The following HCRTR2 variants were observed in gnomAD, a reference collection of about 807,000 sequenced individuals.
HCRTR2 encodes orexin receptor type 2.
A neutral mutation model predicts 49.0 loss-of-function variants in HCRTR2; 22 were observed. The ratio of observed to expected loss-of-function variants is 0.45; its 90% confidence interval spans 0.32 to 0.64. The LOEUF is 0.64. Ranked by LOEUF, HCRTR2 falls within the 30% of genes least tolerant of loss-of-function variation. The pLI is 0.04. For missense variants in HCRTR2, 491 were observed against 559.4 expected (o/e 0.88, Z 1.23); for synonymous variants, 236 against 205.3 (o/e 1.15, Z -1.28).
rs144145510 is a variant in HCRTR2, at chr6:55,216,740, C to A, written c.224-31899C>A. Among the ~76,000 whole-genome samples the A allele has an allele frequency of 7.3e-3, 1,113 of 152,292 alleles. 11 individuals are homozygous for A. Among genetic ancestry groups the A allele is most frequent in the Non-Finnish European group, 7.9e-3 (539 of 68,034 alleles). On this transcript the variant is annotated intron_variant, in intron 1 of 6. Transcript: ENST00000370862. ...TGGAATTGCTCATTGGTGCCTGCAG[C>A]TTTCCCAGGTGGGCACTGCACACTG...
chr6:55,177,299 C>A (rs1765058116), intron 1 of HCRTR2, among the ~76,000 whole-genome samples: 1 of 152,178 alleles, frequency 6.6e-6, no homozygotes, highest in Admixed American at 6.5e-5. Context: ...AACTGAAATG[C>A]ATTCTTTTCT....
chr6:55,275,703 TG>T (rs1488849777), intron 4 of HCRTR2, among the ~76,000 whole-genome samples: 1 of 151,346 alleles, frequency 6.6e-6, no homozygotes, highest in African/African-American at 2.4e-5. Context: ...ATCCACCTCC[TG>T]GGTTCAAGCG....
intron 1 of HCRTR2, among the ~76,000 whole-genome samples, chr6:55,193,808 G>T (rs1765362826): frequency 6.6e-6 from 1 of 151,946 alleles, no homozygotes; most frequent in Admixed American, 6.6e-5. Flanking sequence ...TAAGAATATG[G>T]TAGTACAGTG....
chr6:55,200,684 TG>T (rs1471742072), intron 1 of HCRTR2, among the ~76,000 whole-genome samples: 1 of 152,154 alleles, frequency 6.6e-6, no homozygotes, highest in Non-Finnish European at 1.5e-5. Context: ...AACTAATTTT[TG>T]ATATTTGGTA....
Position 55,268,905 on chromosome 6 carries a change from A to G in HCRTR2, c.762+5083A>G, listed in dbSNP as rs553491208. On this transcript the variant is annotated intron_variant, in intron 4 of 6. Coordinates refer to ENST00000370862, the MANE Select transcript of HCRTR2 (RefSeq NM_001384272.1). ...GAAGATTGAGACCATCCTAGCTAAC[A>G]TGGTGAAACCTCGTCTCTACTAAAG... Among the ~76,000 whole-genome samples the G allele has an allele frequency of 8.5e-5, 13 of 152,066 alleles. No homozygotes were observed. In the East Asian group the frequency reaches 2.3e-3, roughly 27 times the overall value.
intron 1 of HCRTR2, among the ~76,000 whole-genome samples, chr6:55,130,215 C>T (rs1411733225): frequency 6.6e-6 from 1 of 151,898 alleles, no homozygotes; most frequent in Non-Finnish European, 1.5e-5. Flanking sequence ...TATCTAGCTT[C>T]CTACCTGATC....
intron 1 of HCRTR2, among the ~76,000 whole-genome samples, chr6:55,241,206 A>AGT (rs1230344680): frequency 2.8e-5 from 4 of 143,578 alleles, no homozygotes; most frequent in African/African-American, 1.0e-4. Context: ...CCCACCTATG[A>AGT]GTGAGAATAT....
At chr6:55,206,999 G>A (rs2127288884) in intron 1 of HCRTR2, among the ~76,000 whole-genome samples, 1 of 152,062 alleles carries the variant, frequency 6.6e-6, no homozygotes, top group South Asian at 2.1e-4. Flanking sequence ...TTTAAAATAT[G>A]CCTAATTTTC....
At chr6:55,154,005 C>G (rs1057055522) in intron 1 of HCRTR2, among the ~76,000 whole-genome samples, 3 of 151,520 alleles carry the variant, frequency 2.0e-5, no homozygotes, top group Non-Finnish European at 4.4e-5. Flanking sequence ...CAACTATACA[C>G]CAATAAATTG....
intron 4 of HCRTR2, among the ~76,000 whole-genome samples, chr6:55,269,087 C>CAAA (rs1158724252): frequency 5.4e-5 from 3 of 55,728 alleles, no homozygotes; most frequent in South Asian, 6.7e-4. Context: ...GACTCCGTCT[C>CAAA]AAAAAAAAAA....
chr6:55,212,320 C>T (rs1204089020), intron 1 of HCRTR2, among the ~76,000 whole-genome samples: 2 of 152,108 alleles, frequency 1.3e-5, no homozygotes, highest in Non-Finnish European at 2.9e-5. Context: ...TCCATTCCCC[C>T]TTTTTTATTT....
At chr6:55,199,760 A>G (rs754462059) in intron 1 of HCRTR2, among the ~76,000 whole-genome samples, 11 of 152,252 alleles carry the variant, frequency 7.2e-5, no homozygotes, top group Non-Finnish European at 1.2e-4. Flanking sequence ...AGGCTTCATC[A>G]TAATTGACAA....
At position 55,260,578 on chromosome 6, in the gene HCRTR2, T is replaced by C. The variant is rs896382263; in HGVS notation, c.647-3129T>C. ...CTAAAAATGACACCTCAAATTGGTC[T>C]CTTAGACCTGCCAACACATGCATCC... On this transcript the variant is annotated intron_variant, in intron 3 of 6. Coordinates refer to ENST00000370862, the MANE Select transcript of HCRTR2 (RefSeq NM_001384272.1). Among the ~76,000 whole-genome samples the C allele has an allele frequency of 2.0e-5, 3 of 152,136 alleles. No individual in the cohort carries two copies. The South Asian group carries it at 6.2e-4, about 32-fold the overall frequency.
intron 1 of HCRTR2, among the ~76,000 whole-genome samples, chr6:55,195,317 G>T (rs1301853278): frequency 6.6e-6 from 1 of 152,130 alleles, no homozygotes; most frequent in Non-Finnish European, 1.5e-5. Context: ...GTTTTAAAAT[G>T]TATTTAGATA....
chr6:55,133,655 TATCTATC>T (rs1764391053), intron 1 of HCRTR2, among the ~76,000 whole-genome samples: 1 of 139,904 alleles, frequency 7.1e-6, no homozygotes, highest in Non-Finnish European at 1.6e-5. Flanking sequence ...TTTATCTATC[TATCTATC>T]ATCTATCTAT....
At chr6:55,245,386 T>TAC (rs1766414264) in intron 1 of HCRTR2, among the ~76,000 whole-genome samples, 1 of 141,700 alleles carries the variant, frequency 7.1e-6, no homozygotes, top group African/African-American at 2.6e-5. Context: ...TATATATATA[T>TAC]GTATATATAT....
intron 1 of HCRTR2, among the ~76,000 whole-genome samples, chr6:55,175,627 C>T (rs575745567): frequency 6.6e-6 from 1 of 152,070 alleles, no homozygotes; most frequent in South Asian, 2.1e-4. Context: ...TAATGCTAGG[C>T]TATTTGTCCC....
chr6:55,225,345 C>T (rs1765983018), intron 1 of HCRTR2, among the ~76,000 whole-genome samples: 1 of 151,880 alleles, frequency 6.6e-6, no homozygotes, highest in African/African-American at 2.4e-5. Flanking sequence ...TATTTTAGCC[C>T]TGTCTTTTTT....
At chr6:55,162,750 A>C (rs967716059) in intron 1 of HCRTR2, among the ~76,000 whole-genome samples, 6 of 152,176 alleles carry the variant, frequency 3.9e-5, no homozygotes, top group Admixed American at 1.3e-4. Context: ...ACCTAGGAAT[A>C]CAACTTACAA....
Sources: gnomAD v4.1 joint callset for allele counts (sites outside exome capture counted in the v4.1 genomes callset) on GRCh38, gnomAD v4.1.1 for gene constraint, MANE v1.5 for transcripts, NCBI Gene and HGNC (gene_info 2026-07-23, HGNC 2026-07-21) for gene names.